Variants in CDK17 observed in about 807,000 individuals in gnomAD.
The protein encoded by CDK17 is cyclin-dependent kinase 17.
A neutral mutation model predicts 77.6 loss-of-function variants in CDK17; 24 were observed. The ratio of observed to expected loss-of-function variants is 0.31; its 90% CI spans 0.22 to 0.44. CDK17 has a LOEUF of 0.44. CDK17 is among the 20% of genes least tolerant of loss of function. The pLI, the probability that CDK17 is intolerant of heterozygous loss-of-function variation, is 1.00. For synonymous variants in CDK17, 203 were observed against 210.4 expected (o/e 0.96, Z 0.30); for missense variants, 429 against 622.5 (o/e 0.69, Z 3.31).
chr12:96,346,895 G>A (rs1953220736), intron 1 of CDK17, among the ~76,000 whole-genome samples: 1 of 151,602 alleles, frequency 6.6e-6, no homozygotes, highest in African/African-American at 2.4e-5. Flanking sequence ...AGCCTGGTGA[G>A]GGAGGGAGAC....
intron 1 of CDK17, among the ~76,000 whole-genome samples, chr12:96,342,721 T>C (rs191137936): frequency 2.8e-3 from 420 of 152,248 alleles, no homozygotes; most frequent in Middle Eastern, 0.01. Context: ...TCTCAGCAAT[T>C]TGGGAGGCCA....
At chr12:96,307,573 C>T (rs543541607) in intron 5 of CDK17, among the ~76,000 whole-genome samples, 3 of 151,980 alleles carry the variant, frequency 2.0e-5, no homozygotes, top group African/African-American at 7.2e-5. Flanking sequence ...CAAAATCATC[C>T]CAATAAAAAT....
chr12:96,373,436 T>C lies in CDK17; in HGVS notation c.-30+26550A>G, dbSNP rs1212833137. ...GGCGAAACCCCGTCTCTACTAAAAA[T>C]ACAAAAAATTAGCCGGGCGTGGTGG... On this transcript the variant is annotated intron_variant, in intron 1 of 16. Transcript: ENST00000261211. Among the ~76,000 whole-genome samples, 5 of 151,372 alleles carry C rather than the reference T, an allele frequency of 3.3e-5. No homozygotes were observed. The East Asian group carries it at 9.8e-4, about 30-fold the overall frequency.
chr12:96,375,169 T>C (rs1592762959), intron 1 of CDK17, among the ~76,000 whole-genome samples: 1 of 152,190 alleles, frequency 6.6e-6, no homozygotes, highest in South Asian at 2.1e-4. Context: ...GAGTTAAACA[T>C]AGAGCTTTCA....
chr12:96,356,423 G>A (rs1237559355), intron 1 of CDK17, among the ~76,000 whole-genome samples: 1 of 152,162 alleles, frequency 6.6e-6, no homozygotes, highest in Non-Finnish European at 1.5e-5. Flanking sequence ...AGCCCCCCAA[G>A]TCGCTGGGAC....
intron 1 of CDK17, among the ~76,000 whole-genome samples, chr12:96,389,842 T>A (rs1954039069): frequency 6.6e-6 from 1 of 151,880 alleles, no homozygotes; most frequent in African/African-American, 2.4e-5. Flanking sequence ...TTTGTTTTTT[T>A]TTTTTTGAGA....
At chr12:96,383,169 C>T (rs1953914119) in intron 1 of CDK17, among the ~76,000 whole-genome samples, 1 of 151,860 alleles carries the variant, frequency 6.6e-6, no homozygotes, top group Admixed American at 6.6e-5. Context: ...CAATAGCCCC[C>T]CAAAAAATGA....
At chr12:96,301,227 C>G (rs564078946) in intron 5 of CDK17, among the ~76,000 whole-genome samples, 3 of 141,252 alleles carry the variant, frequency 2.1e-5, no homozygotes, top group Admixed American at 7.0e-5. Flanking sequence ...CTACACCCCC[C>G]CTCAACACTC....
intron 1 of CDK17, among the ~76,000 whole-genome samples, chr12:96,395,800 C>T (rs1367494954): frequency 6.6e-6 from 1 of 152,172 alleles, no homozygotes; most frequent in African/African-American, 2.4e-5. Flanking sequence ...ATCCTCACCT[C>T]TCCCTCCCCT....
intron 1 of CDK17, among the ~76,000 whole-genome samples, chr12:96,379,771 T>C (rs568644834): frequency 5.3e-5 from 8 of 152,152 alleles, no homozygotes; most frequent in Non-Finnish European, 8.8e-5. Flanking sequence ...CCAAACAAAA[T>C]GGTGAAACCA....
At chr12:96,315,175 A>G (rs1379890245) in intron 3 of CDK17, among the ~76,000 whole-genome samples, 1 of 152,248 alleles carries the variant, frequency 6.6e-6, no homozygotes, top group African/African-American at 2.4e-5. Flanking sequence ...ATTGTATTTT[A>G]TAAGTATAAA....
At chr12:96,318,475 C>A (rs1952764474) in intron 3 of CDK17, among the ~76,000 whole-genome samples, 2 of 133,306 alleles carry the variant, frequency 1.5e-5, no homozygotes, top group Admixed American at 7.6e-5. Flanking sequence ...GAACTCTCCA[C>A]CCCAAATCAA....
At chr12:96,308,252 A>G (rs1031994513) in intron 5 of CDK17, among the ~76,000 whole-genome samples, 47 of 143,568 alleles carry the variant, frequency 3.3e-4, no homozygotes, top group South Asian at 9.4e-4. Context: ...AAAAAAAAAA[A>G]GTTTTTTAAT....
chr12:96,294,611 A>AAAAT (rs71097274), intron 10 of CDK17, among the ~76,000 whole-genome samples: 3 of 121,254 alleles, frequency 2.5e-5, no homozygotes, highest in East Asian at 2.5e-4. Flanking sequence ...AAAAAAAAAA[A>AAAAT]GATATATTTT....
intron 13 of CDK17, chr12:96,284,435 T>C (rs1407917567): frequency 2.5e-5 from 3 of 122,328 alleles, no homozygotes; most frequent in East Asian, 4.7e-4. Context: ...CAGTCTGGCC[T>C]GGGCGGAAGA....
intron 7 of CDK17, among the ~76,000 whole-genome samples, chr12:96,298,630 A>G (rs937935437): frequency 6.6e-6 from 1 of 152,320 alleles, no homozygotes; most frequent in Middle Eastern, 3.4e-3. Context: ...AATGTATAAC[A>G]TTTCCCTATG....
At chr12:96,322,161 G>A (rs1000382644) in intron 3 of CDK17, among the ~76,000 whole-genome samples, 8 of 152,082 alleles carry the variant, frequency 5.3e-5, no homozygotes, top group African/African-American at 1.4e-4. Flanking sequence ...CAAGACAAAC[G>A]TGAAACAATG....
chr12:96,306,974 T>C (rs1270398369), intron 5 of CDK17, among the ~76,000 whole-genome samples: 1 of 152,206 alleles, frequency 6.6e-6, no homozygotes, highest in Non-Finnish European at 1.5e-5. Context: ...ATCTGAAATC[T>C]ATAAGCCATT....
At chr12:96,281,294 C>T (rs985576742) in intron 15 of CDK17, among the ~76,000 whole-genome samples, 4 of 152,238 alleles carry the variant, frequency 2.6e-5, no homozygotes, top group East Asian at 3.9e-4. Flanking sequence ...GGAATTTTAG[C>T]GAAAAACAAG....
Sources: gnomAD v4.1 joint callset for allele counts (sites outside exome capture counted in the v4.1 genomes callset) on GRCh38, gnomAD v4.1.1 for gene constraint, MANE v1.5 for transcripts, NCBI Gene and HGNC (gene_info 2026-07-23, HGNC 2026-07-21) for gene names.